SH3RF1: variants seen among roughly 807,000 people sequenced by gnomAD.
SH3RF1 encodes SH3 domain containing ring finger 1.
Under a neutral mutation model 74.0 loss-of-function variants are expected in SH3RF1, and 32 were observed. The observed-to-expected ratio is 0.43, with a 90% CI of 0.33 to 0.58. SH3RF1 has a LOEUF of 0.58. Ranked by LOEUF, SH3RF1 falls within the 20% of genes least tolerant of loss-of-function variation. The pLI, the probability that SH3RF1 is intolerant of heterozygous loss-of-function variation, is 0.05. For missense variants in SH3RF1, 954 were observed against 1,130.9 expected (o/e 0.84, Z 2.24); for synonymous variants, 396 against 439.6 (o/e 0.90, Z 1.24).
At chr4:169,168,554 AAG>A (rs1274952717) in intron 2 of SH3RF1, among the ~76,000 whole-genome samples, 2 of 152,248 alleles carry the variant, frequency 1.3e-5, no homozygotes. Context: ...GTCTTACACA[AAG>A]AGAGTAAGTC....
intron 2 of SH3RF1, among the ~76,000 whole-genome samples, chr4:169,228,400 G>A (rs1453831386): frequency 1.3e-5 from 2 of 152,006 alleles, no homozygotes; most frequent in Admixed American, 1.3e-4. Context: ...TTTTTTTCTG[G>A]AGGTTCTAGG....
intron 2 of SH3RF1, among the ~76,000 whole-genome samples, chr4:169,226,893 A>T (rs1730660079): frequency 6.6e-6 from 1 of 152,206 alleles, no homozygotes; most frequent in Non-Finnish European, 1.5e-5. Flanking sequence ...GAGGCCAGGC[A>T]TAGTGGCTTA....
chr4:169,219,980 G>C (rs1162114841), intron 2 of SH3RF1: 1 of 135,874 alleles, frequency 7.4e-6, no homozygotes, highest in Admixed American at 9.0e-5. Context: ...AAACTAGCGT[G>C]TGGTACTCTA....
intron 2 of SH3RF1, among the ~76,000 whole-genome samples, chr4:169,265,857 T>C (rs554339097): frequency 8.5e-5 from 13 of 152,358 alleles, no homozygotes; most frequent in South Asian, 4.1e-4. Flanking sequence ...CCTTAAATCA[T>C]TGGAACTGCG....
intron 2 of SH3RF1, among the ~76,000 whole-genome samples, chr4:169,179,550 T>A (rs977414685): frequency 2.0e-5 from 3 of 152,150 alleles, no homozygotes; most frequent in African/African-American, 7.2e-5. Flanking sequence ...TAGTAACCAA[T>A]ACCAGCAACA....
intron 2 of SH3RF1, among the ~76,000 whole-genome samples, chr4:169,187,505 A>T (rs1734627275): frequency 6.8e-6 from 1 of 147,298 alleles, no homozygotes; most frequent in Admixed American, 6.8e-5. Flanking sequence ...TATTTTCTTT[A>T]CAACGAATTT....
chr4:169,265,302 G>A (rs573859082), intron 2 of SH3RF1, among the ~76,000 whole-genome samples: 7 of 152,202 alleles, frequency 4.6e-5, no homozygotes, highest in East Asian at 1.9e-4. Flanking sequence ...ATAAAGCAAC[G>A]AATAAACTAA....
chr4:169,229,056 G>A (rs1259859427), intron 2 of SH3RF1, among the ~76,000 whole-genome samples: 4 of 152,112 alleles, frequency 2.6e-5, no homozygotes, highest in East Asian at 1.9e-4. Flanking sequence ...AGTCTCACCA[G>A]GAAAGAGCTC....
chr4:169,270,306 A>G (rs528440460), intron 1 of SH3RF1, among the ~76,000 whole-genome samples: 3 of 151,904 alleles, frequency 2.0e-5, no homozygotes, highest in Non-Finnish European at 2.9e-5. Context: ...CGCCGCAGAC[A>G]CACCCCGGGG....
intron 2 of SH3RF1, among the ~76,000 whole-genome samples, chr4:169,209,967 T>C (rs1320395447): frequency 6.6e-6 from 1 of 152,120 alleles, no homozygotes; most frequent in East Asian, 1.9e-4. Context: ...TTTTTGTATT[T>C]GTGTTTTTTT....
chr4:169,253,691 G>C (rs1265837012), intron 2 of SH3RF1, among the ~76,000 whole-genome samples: 1 of 152,188 alleles, frequency 6.6e-6, no homozygotes, highest in African/African-American at 2.4e-5. Context: ...TTAGTATACA[G>C]ATGATCTGCA....
intron 2 of SH3RF1, among the ~76,000 whole-genome samples, chr4:169,248,725 G>A (rs745534235): frequency 6.6e-6 from 1 of 152,188 alleles, no homozygotes; most frequent in Non-Finnish European, 1.5e-5. Context: ...TCCCAATCTG[G>A]AACTTGGAGC....
At chr4:169,123,314 T>C (rs1394168217) in intron 6 of SH3RF1, among the ~76,000 whole-genome samples, 3 of 152,220 alleles carry the variant, frequency 2.0e-5, no homozygotes, top group Non-Finnish European at 4.4e-5. Flanking sequence ...TAGACATACA[T>C]AGTTCCAGAA....
intron 6 of SH3RF1, among the ~76,000 whole-genome samples, chr4:169,124,388 T>C (rs558324451): frequency 1.2e-4 from 19 of 152,182 alleles, no homozygotes; most frequent in Non-Finnish European, 2.4e-4. Context: ...TAATAAAATA[T>C]AAAATCACTT....
chr4:169,216,725 T>C (rs921824899), intron 2 of SH3RF1, among the ~76,000 whole-genome samples: 1 of 152,188 alleles, frequency 6.6e-6, no homozygotes, highest in Non-Finnish European at 1.5e-5. Flanking sequence ...TAGTTAATTG[T>C]CTTCAGTATT....
At chr4:169,245,562 C>T (rs967078540) in intron 2 of SH3RF1, among the ~76,000 whole-genome samples, 1 of 152,170 alleles carries the variant, frequency 6.6e-6, no homozygotes, top group African/African-American at 2.4e-5. Flanking sequence ...ATTGGTCTAA[C>T]ATCATCAACT....
At chr4:169,223,568 G>A (rs561046045) in intron 2 of SH3RF1, among the ~76,000 whole-genome samples, 1 of 152,270 alleles carries the variant, frequency 6.6e-6, no homozygotes, top group East Asian at 1.9e-4. Context: ...GATACACCAC[G>A]ACACACCATG....
intron 4 of SH3RF1, among the ~76,000 whole-genome samples, chr4:169,149,756 T>C (rs1733947441): frequency 6.6e-6 from 1 of 152,222 alleles, no homozygotes. Context: ...GGAAAAAATA[T>C]ATCCAAAAGT....
intron 4 of SH3RF1, among the ~76,000 whole-genome samples, chr4:169,143,210 C>T (rs1443115592): frequency 6.6e-6 from 1 of 152,056 alleles, no homozygotes; most frequent in Non-Finnish European, 1.5e-5. Flanking sequence ...TTTTTGGTAG[C>T]CACATTTTAA....
Sources: gnomAD v4.1 joint callset for allele counts (sites outside exome capture counted in the v4.1 genomes callset) on GRCh38, gnomAD v4.1.1 for gene constraint, MANE v1.5 for transcripts, NCBI Gene and HGNC (gene_info 2026-07-23, HGNC 2026-07-21) for gene names.